NEURL1: variants seen among roughly 807,000 people sequenced by gnomAD.
The protein encoded by NEURL1 is E3 ubiquitin-protein ligase NEURL1.
Under a neutral mutation model 41.2 loss-of-function variants are expected in NEURL1, and 26 were observed. The observed-to-expected ratio is 0.63, with a 90% CI of 0.46 to 0.87. NEURL1 has a LOEUF of 0.87. Among genes scored for constraint, NEURL1 ranks in the 40% least tolerant of loss-of-function variants. NEURL1 has a pLI of 0.00. For missense variants in NEURL1, 761 were observed against 871.1 expected (o/e 0.87, Z 1.59); for synonymous variants, 400 against 402.3 (o/e 0.99, Z 0.07).
intron 1 of NEURL1, among the ~76,000 whole-genome samples, chr10:103,517,018 C>T (rs1322107124): frequency 6.9e-6 from 1 of 144,752 alleles, no homozygotes; most frequent in Non-Finnish European, 1.5e-5. Context: ...TCCTCCCTCC[C>T]TCCCTCCCTT....
At chr10:103,497,675 C>T (rs1484237334) in intron 1 of NEURL1, among the ~76,000 whole-genome samples, 2 of 152,160 alleles carry the variant, frequency 1.3e-5, no homozygotes, top group South Asian at 2.1e-4. Context: ...TTCTGAACAG[C>T]GTTGGTCTAG....
At chr10:103,505,886 C>T (rs577992945) in intron 1 of NEURL1, among the ~76,000 whole-genome samples, 6 of 152,216 alleles carry the variant, frequency 3.9e-5, no homozygotes, top group Non-Finnish European at 7.3e-5. Context: ...GCTTCCTTGC[C>T]TCTCAGAGGT....
intron 1 of NEURL1, among the ~76,000 whole-genome samples, chr10:103,537,653 C>T (rs1370673630): frequency 6.6e-6 from 1 of 152,198 alleles, no homozygotes; most frequent in Non-Finnish European, 1.5e-5. Flanking sequence ...CTCAGCCTCC[C>T]AAAGTGCTGG....
chr10:103,592,266 C>A lies in NEURL1; in HGVS notation c.*1894C>A, dbSNP rs1253726227. ...TGAGGGCTGCCAGGGGGTGGTGTGC[C>A]AGGACCTCAGGCTGGGCCTTTGTGC... is the stretch of plus-strand genomic sequence containing the variant. On this transcript the variant is annotated 3_prime_UTR_variant, in exon 6 of 6. Transcript: ENST00000369780. This position sits in a 1 kb window ranked among gnomAD's most constrained non-coding sequence, Gnocchi z 4.8. 6.6e-6 allele frequency: 1 copy of A among 152,498 alleles called. No individual in the cohort carries two copies. The highest frequency in any genetic ancestry group is 2.1e-4 in the South Asian group (1 of 4,828). The allele number at this position is 152,498 out of a possible 1,614,324, so 9.4% of individuals were successfully genotyped here.
At chr10:103,501,490 A>G (rs1402746887) in intron 1 of NEURL1, among the ~76,000 whole-genome samples, 1 of 151,952 alleles carries the variant, frequency 6.6e-6, no homozygotes, top group Non-Finnish European at 1.5e-5. Context: ...ATAGGCAGGA[A>G]AAAAAAACAA....
At position 103,584,639 on chromosome 10, in the gene NEURL1, C is replaced by T; in HGVS notation, c.753C>T (p.Ser251=). Residue 251 remains serine (S), a synonymous_variant, in exon 4 of 6, where the codon AGC becomes AGT. Transcript: ENST00000369780. ...READDARLSV[S]LCDLNVPGAD... The stretch of plus-strand genomic sequence containing the variant: ...CGGACGACGCGCGCCTCTCGGTGAG[C>T]CTATGCGACCTCAACGTGCCGGGCG... 1 of 1,432,786 alleles carries T rather than the reference C, an allele frequency of 7.0e-7. No individual in the cohort carries two copies. Among genetic ancestry groups the T allele is most frequent in the Admixed American group, 3.0e-5 (1 of 33,610 alleles). The allele number at this position is 1,432,786 out of a possible 1,614,324, so 88.8% of individuals were successfully genotyped here. A position where few individuals can be genotyped will look rare whatever the true frequency, so the allele number is the denominator to read the frequency against.
At chr10:103,501,422 C>T (rs1319430919) in intron 1 of NEURL1, among the ~76,000 whole-genome samples, 2 of 151,870 alleles carry the variant, frequency 1.3e-5, no homozygotes, top group East Asian at 1.9e-4. Context: ...CTGGAGTTCC[C>T]ATGGGCAAGT....
At chr10:103,542,371 C>T (rs2034838085) in intron 1 of NEURL1, among the ~76,000 whole-genome samples, 1 of 152,210 alleles carries the variant, frequency 6.6e-6, no homozygotes, top group South Asian at 2.1e-4. Context: ...GCGACCCTCT[C>T]ATCTCAGCCT....
At chr10:103,574,672 A>C (rs537267568) in intron 3 of NEURL1, among the ~76,000 whole-genome samples, 2 of 152,324 alleles carry the variant, frequency 1.3e-5, no homozygotes, top group East Asian at 1.9e-4. Flanking sequence ...GTGGAACACG[A>C]CAGACGGGCT....
chr10:103,541,875 C>T (rs2034827462), intron 1 of NEURL1, among the ~76,000 whole-genome samples: 1 of 152,240 alleles, frequency 6.6e-6, no homozygotes, highest in Admixed American at 6.5e-5. Context: ...TGAAGTACTT[C>T]CCATCTCTCT....
intron 1 of NEURL1, among the ~76,000 whole-genome samples, chr10:103,517,857 C>T (rs2034252070): frequency 6.6e-6 from 1 of 152,164 alleles, no homozygotes; most frequent in South Asian, 2.1e-4. Context: ...GCCAGGAGGA[C>T]CCAACACTTG....
At chr10:103,571,215 A>C (rs2035536547) in intron 2 of NEURL1, 102 bp downstream of exon 2, 4 of 1,175,492 alleles carry the variant, frequency 3.4e-6, no homozygotes, top group South Asian at 2.8e-5. Flanking sequence ...GCCTGCTGCC[A>C]CCCCCAGCAC....
intron 3 of NEURL1, among the ~76,000 whole-genome samples, chr10:103,582,197 C>G (rs1053588035): frequency 6.6e-6 from 1 of 152,122 alleles, no homozygotes. Flanking sequence ...TGCCCCTTCC[C>G]CTCTCTGTCT....
chr10:103,553,302 A>G (rs2035073423), intron 1 of NEURL1, among the ~76,000 whole-genome samples: 1 of 152,220 alleles, frequency 6.6e-6, no homozygotes. Context: ...TGCTGTTATT[A>G]TGATCATTAT....
intron 4 of NEURL1, among the ~76,000 whole-genome samples, chr10:103,586,954 G>A (rs2035936247): frequency 1.3e-5 from 2 of 152,152 alleles, no homozygotes; most frequent in Admixed American, 1.3e-4. Flanking sequence ...GGGAGGTTGA[G>A]GCAGGAGAAT....
At chr10:103,494,870 A>G in intron 1 of NEURL1, 1 of 196,870 alleles carries the variant, frequency 5.1e-6, no homozygotes, top group Non-Finnish European at 1.0e-5. Context: ...TGGAGAGACC[A>G]GGCTGGGAGC....
chr10:103,588,309 A>G (rs2133887028), intron 4 of NEURL1, among the ~76,000 whole-genome samples: 1 of 151,222 alleles, frequency 6.6e-6, no homozygotes, highest in East Asian at 1.9e-4. Context: ...CCGTCTCAAA[A>G]AAAAAAAAAA....
intron 1 of NEURL1, among the ~76,000 whole-genome samples, chr10:103,502,966 C>T (rs1156804696): frequency 6.6e-6 from 1 of 152,232 alleles, no homozygotes; most frequent in Non-Finnish European, 1.5e-5. Context: ...CCTGGGAAAC[C>T]TGCCTCAGGG....
At chr10:103,521,140 G>A (rs976737292) in intron 1 of NEURL1, among the ~76,000 whole-genome samples, 13 of 152,090 alleles carry the variant, frequency 8.5e-5, no homozygotes, top group South Asian at 2.1e-4. Context: ...CCATTAGTCC[G>A]TTCTACCTTT....
Sources: allele counts gnomAD v4.1 joint callset (sites outside exome capture counted in the v4.1 genomes callset), GRCh38; gene constraint gnomAD v4.1.1; non-coding constraint Gnocchi (gnomAD v3.1); transcripts MANE v1.5; gene names NCBI Gene and HGNC (gene_info 2026-07-23, HGNC 2026-07-21).